Variants in THSD7B observed in about 807,000 individuals in gnomAD.
THSD7B encodes the protein thrombospondin type 1 domain containing 7B.
THSD7B carries 138 observed loss-of-function variants against 213.6 expected under a neutral mutation model. That is an observed-to-expected ratio of 0.65 (90% CI 0.56 to 0.74). THSD7B has a LOEUF of 0.74. THSD7B is among the 30% of genes least tolerant of loss of function. The probability of loss-of-function intolerance (pLI) is 0.00; values close to 1 mark genes in which losing one functional copy is unlikely to be tolerated. For missense variants in THSD7B, 1,931 were observed against 1,991.5 expected (o/e 0.97, Z 0.58); for synonymous variants, 742 against 687.0 (o/e 1.08, Z -1.25).
intron 15 of THSD7B, among the ~76,000 whole-genome samples, chr2:137,502,024 T>C (rs974097025): frequency 1.3e-5 from 2 of 152,208 alleles, no homozygotes; most frequent in Non-Finnish European, 2.9e-5. Context: ...CTGCTTTCAG[T>C]GTTTATCCTA....
chr2:137,250,866 C>T (rs886468764), intron 10 of THSD7B, among the ~76,000 whole-genome samples: 1 of 152,164 alleles, frequency 6.6e-6, no homozygotes, highest in African/African-American at 2.4e-5. Context: ...CCAAATCTTA[C>T]TACAGCCTAA....
intron 15 of THSD7B, among the ~76,000 whole-genome samples, chr2:137,561,664 G>T (rs772057989): frequency 6.6e-6 from 1 of 152,032 alleles, no homozygotes; most frequent in Admixed American, 6.6e-5. Flanking sequence ...ATGTTTGGTT[G>T]GGGTCCTATC....
At position 137,579,538 on chromosome 2, in the gene THSD7B, G is replaced by GCACACA. The variant is rs940079363; in HGVS notation, c.3423+6992_3423+6997dup. Among the ~76,000 whole-genome samples, 665 of 144,498 alleles carry GCACACA rather than the reference G, an allele frequency of 4.6e-3. 3 individuals are homozygous for GCACACA. The highest frequency in any genetic ancestry group is 0.016 in the African/African-American group (634 of 40,784). 94.8% of individuals were successfully genotyped at this position (144,498 alleles called of 152,430 possible). ...TACATGCACACACACACGCGCGTGCGCACACACACACACACTGTTGATTCT... is the reference window on the plus strand; with the variant it reads ...TACATGCACACACACACGCGCGTGCGCACACACACACACACACACACTGTTGATTCT... On this transcript the variant is annotated intron_variant, in intron 17 of 27. Transcript: ENST00000409968.
At chr2:136,829,126 T>C (rs543472036) in intron 1 of THSD7B, among the ~76,000 whole-genome samples, 1 of 152,036 alleles carries the variant, frequency 6.6e-6, no homozygotes, top group East Asian at 1.9e-4. Flanking sequence ...ACATGGTAAG[T>C]TCTGTAAGGA....
At chr2:137,156,629 C>A (rs1679914767) in intron 5 of THSD7B, among the ~76,000 whole-genome samples, 1 of 152,196 alleles carries the variant, frequency 6.6e-6, no homozygotes, top group Non-Finnish European at 1.5e-5. Flanking sequence ...TAATCCTCAA[C>A]AGGCCTCCAA....
intron 2 of THSD7B, among the ~76,000 whole-genome samples, chr2:136,940,327 A>G (rs905634903): frequency 6.6e-6 from 1 of 152,166 alleles, no homozygotes; most frequent in Non-Finnish European, 1.5e-5. Flanking sequence ...CCATGCTGCT[A>G]CAAAAGACAT....
chr2:137,622,180 C>T (rs1682532647), intron 20 of THSD7B, among the ~76,000 whole-genome samples: 1 of 152,106 alleles, frequency 6.6e-6, no homozygotes, highest in Admixed American at 6.5e-5. Context: ...CAAATCCAAA[C>T]CATAGCATTC....
chr2:137,004,960 A>G (rs550955603), intron 2 of THSD7B, among the ~76,000 whole-genome samples: 39 of 152,354 alleles, frequency 2.6e-4, no homozygotes, highest in African/African-American at 8.7e-4. Flanking sequence ...TCATATAAAG[A>G]TATCATTTAT....
intron 12 of THSD7B, among the ~76,000 whole-genome samples, chr2:137,346,394 T>G (rs1397615301): frequency 1.3e-5 from 2 of 151,636 alleles, no homozygotes; most frequent in African/African-American, 4.8e-5. Flanking sequence ...TTCATTCGTG[T>G]TGTAACATAT....
intron 12 of THSD7B, among the ~76,000 whole-genome samples, chr2:137,369,680 A>T (rs954983524): frequency 6.6e-6 from 1 of 152,122 alleles, no homozygotes; most frequent in Non-Finnish European, 1.5e-5. Context: ...GTTTCCAGCT[A>T]GCTCATCTCT....
intron 2 of THSD7B, among the ~76,000 whole-genome samples, chr2:137,009,519 T>C (rs919432093): frequency 6.6e-6 from 1 of 152,096 alleles, no homozygotes; most frequent in Non-Finnish European, 1.5e-5. Flanking sequence ...GGGTAATTTA[T>C]AAAGAAATAG....
chr2:137,096,911 CAAG>C (rs1248786188), intron 4 of THSD7B, among the ~76,000 whole-genome samples: 2 of 152,206 alleles, frequency 1.3e-5, no homozygotes, highest in Non-Finnish European at 2.9e-5. Context: ...GGTGGCGCTG[CAAG>C]AAGGATGACC....
chr2:137,115,875 A>G (rs1573832731), intron 5 of THSD7B, among the ~76,000 whole-genome samples: 1 of 152,128 alleles, frequency 6.6e-6, no homozygotes, highest in Non-Finnish European at 1.5e-5. Context: ...AGAGACTGGG[A>G]AACTTGCTCA....
At chr2:137,393,281 G>T (rs902662459) in intron 12 of THSD7B, among the ~76,000 whole-genome samples, 3 of 151,488 alleles carry the variant, frequency 2.0e-5, no homozygotes, top group Admixed American at 2.0e-4. Flanking sequence ...TCTAGCATTA[G>T]GTATATCTCC....
chr2:136,898,637 G>A (rs1454791777), intron 2 of THSD7B, among the ~76,000 whole-genome samples: 1 of 123,190 alleles, frequency 8.1e-6, no homozygotes, highest in African/African-American at 3.2e-5. Flanking sequence ...TAACAGTGGG[G>A]AACTGAGACT....
chr2:137,057,051 AGAAATT>A lies in THSD7B; in HGVS notation c.772_777del (p.Glu258_Ile259del). 6.2e-7 allele frequency: 1 copy of A among 1,613,972 alleles called. No homozygotes were observed. Among genetic ancestry groups the A allele is most frequent in the Non-Finnish European group, 8.5e-7 (1 of 1,179,890 alleles). On this transcript the variant is annotated inframe_deletion, in exon 3 of 28. Transcript: ENST00000409968. ...GTAAATGCAGACTGCCTCATCTTAA[AGAAATT>A]AATCCAAGCGGAAGAACTGTTCTGG... is the stretch of plus-strand genomic sequence containing the variant.
intron 2 of THSD7B, among the ~76,000 whole-genome samples, chr2:136,967,735 T>A (rs750213454): frequency 6.6e-6 from 1 of 152,174 alleles, no homozygotes; most frequent in Non-Finnish European, 1.5e-5. Flanking sequence ...CACAATCAAC[T>A]CCCTCTTACC....
Position 137,057,363 on chromosome 2 carries a change from T to C in THSD7B, c.950+133T>C, listed in dbSNP as rs1035526646. On this transcript the variant is annotated intron_variant, in intron 3 of 27. Coordinates refer to ENST00000409968, the MANE Select transcript of THSD7B (RefSeq NM_001316349.2). ...ATAATTTAGGTTTTTAGAAGTTTCA[T>C]GTAAGAAATTTTTAATTTCACTGGG... is the stretch of plus-strand genomic sequence containing the variant. The C allele has an allele frequency of 9.5e-6, 9 of 946,186 alleles. No homozygotes were observed. In the African/African-American group the frequency reaches 1.2e-4, roughly 12 times the overall value. The allele number at this position is 946,186 out of a possible 1,614,324, so 58.6% of individuals were successfully genotyped here. A position where few individuals can be genotyped will look rare whatever the true frequency, so the allele number is the denominator to read the frequency against.
At chr2:137,246,724 G>A (rs1194665130) in intron 10 of THSD7B, among the ~76,000 whole-genome samples, 3 of 151,150 alleles carry the variant, frequency 2.0e-5, no homozygotes, top group Non-Finnish European at 4.4e-5. Context: ...TTCAGTCCCT[G>A]TAATAAATTC....
Sources: allele counts gnomAD v4.1 joint callset (sites outside exome capture counted in the v4.1 genomes callset), GRCh38; gene constraint gnomAD v4.1.1; transcripts MANE v1.5; gene names NCBI Gene and HGNC (gene_info 2026-07-23, HGNC 2026-07-21).